The following AIMP2 variants were observed in gnomAD, a reference collection of about 807,000 sequenced individuals.
The protein encoded by AIMP2 is aminoacyl tRNA synthase complex-interacting multifunctional protein 2.
AIMP2 carries 20 observed loss-of-function variants against 23.4 expected under a neutral mutation model. That is an observed-to-expected ratio of 0.85 (90% confidence interval 0.60 to 1.24). The LOEUF is 1.24. AIMP2 is among the 50% of genes most tolerant of loss of function. The probability of loss-of-function intolerance (pLI) is 0.00; values close to 1 mark genes in which losing one functional copy is unlikely to be tolerated. For synonymous variants in AIMP2, 210 were observed against 170.4 expected, an observed-to-expected ratio of 1.23 and a Z score of -1.81; for missense variants, 515 against 414.5, an observed-to-expected ratio of 1.24 and a Z score of -2.10.
Position 6,009,974 on chromosome 7 carries a change from A to AAAAATATACATATATAT in AIMP2, c.135+477_135+478insAAATATACATATATATA. ...CAAAAAAAAAAAAAAAAAAAAAAAAAATATATATATATATATATGTATGTA... is the reference window on the plus strand; with the variant it reads ...CAAAAAAAAAAAAAAAAAAAAAAAAAAAAATATACATATATATATATATATATATATATATGTATGTA... On this transcript the variant is annotated intron_variant, in intron 1 of 3. Coordinates refer to ENST00000223029, the MANE Select transcript of AIMP2 (RefSeq NM_006303.4). Among the ~76,000 whole-genome samples, 2 of 26,662 alleles carry AAAAATATACATATATAT rather than the reference A, an allele frequency of 7.5e-5. 1 individual carries two copies. The highest frequency in any genetic ancestry group is 2.8e-4 in the African/African-American group (2 of 7,136). 17.5% of individuals were successfully genotyped at this position (26,662 alleles called of 152,430 possible). A position where few individuals can be genotyped will look rare whatever the true frequency, so the allele number is the denominator to read the frequency against.
intron 1 of AIMP2, among the ~76,000 whole-genome samples, chr7:6,011,476 A>G (rs1274562525): frequency 6.6e-6 from 1 of 152,090 alleles, no homozygotes; most frequent in Admixed American, 6.6e-5. Context: ...TCTCATTGCA[A>G]ACGTACATCC....
At chr7:6,013,355 G>A (rs186110794) in intron 1 of AIMP2, among the ~76,000 whole-genome samples, 23 of 147,436 alleles carry the variant, frequency 1.6e-4, no homozygotes, top group Non-Finnish European at 2.8e-4. Flanking sequence ...TCCGCCTCCC[G>A]GGTTCAAGCG....
At chr7:6,021,297 C>T (rs539144667) in intron 3 of AIMP2, among the ~76,000 whole-genome samples, 1 of 145,060 alleles carries the variant, frequency 6.9e-6, no homozygotes, top group South Asian at 2.2e-4. Flanking sequence ...TGAGATCGCG[C>T]CACTGCACTC....
rs778512251 is a variant in AIMP2, at chr7:6,017,817, T to C, written c.346T>C (p.Tyr116His). 3.7e-6 allele frequency: 6 copies of C among 1,613,188 alleles called. No individual in the cohort carries two copies. Among genetic ancestry groups the C allele is most frequent in the East Asian group, 4.5e-5 (2 of 44,846 alleles). Residue 116 changes from tyrosine (Y) to histidine (H), a missense_variant, in exon 3 of 4, where the codon TAC becomes CAC. Physicochemically the swap from Tyr to His is moderately conservative, Grantham distance 83. Coordinates refer to ENST00000223029, the MANE Select transcript of AIMP2 (RefSeq NM_006303.4). Reference protein sequence around the residue: ...LDLNSVLGKDYGALKDIVINA... With the variant: ...LDLNSVLGKDHGALKDIVINA... The stretch of plus-strand genomic sequence containing the variant: ...CATTGTCTTGGTCTTTCCCCAGGAT[T>C]ACGGGGCGCTGAAAGACATCGTGAT...
rs770539126 is a variant in AIMP2, at chr7:6,015,302, C to T, written c.292C>T (p.Pro98Ser). 2 of 1,614,176 alleles carry T rather than the reference C, an allele frequency of 1.2e-6. No individual in the cohort carries two copies. Among genetic ancestry groups the T allele is most frequent in the South Asian group, 2.2e-5 (2 of 91,086 alleles). ...DVTNIIQADE[P>S]TTLTTNALDL... ...AACCAACATAATCCAAGCGGATGAG[C>T]CCACGACTTTAACCACCAATGCGCT... Residue 98 changes from proline to serine, a missense_variant, in exon 2 of 4, where the codon CCC becomes TCC. Transcript: ENST00000223029.
rs1786968092 is a variant in AIMP2 at position 6,015,456 on chromosome 7, G to A, written c.342+104G>A. 5.7e-6 allele frequency: 7 copies of A among 1,236,612 alleles called. No homozygotes were observed. In the East Asian group the frequency reaches 1.5e-4, roughly 26 times the overall value. The allele number at this position is 1,236,612 out of a possible 1,614,324, so 76.6% of individuals were successfully genotyped here. A position where few individuals can be genotyped will look rare whatever the true frequency, so the allele number is the denominator to read the frequency against. ...CCTTAGCTTTCAGGCCGGGCGTGGTGGCTCACGCCTGTAATTCCAGCACTT... is the reference window on the plus strand; with the variant it reads ...CCTTAGCTTTCAGGCCGGGCGTGGTAGCTCACGCCTGTAATTCCAGCACTT... On this transcript the variant is annotated intron_variant, in intron 2 of 3. Transcript: ENST00000223029.
rs756474990 is a variant in AIMP2, at chr7:6,023,416, G to A, written c.688G>A (p.Ala230Thr). The A allele has an allele frequency of 1.4e-5, 22 of 1,614,094 alleles. No individual in the cohort carries two copies. The East Asian group carries it at 2.0e-4, about 15-fold the overall frequency. Reference protein sequence around the residue: ...LFGQKHNAVNATLIDSWVDIA... With the variant: ...LFGQKHNAVNTTLIDSWVDIA... ...TGGCCAGAAGCATAATGCTGTCAAC[G>A]CAACCCTTATAGATAGCTGGGTAGA... Residue 230 changes from alanine (A) to threonine (T), a missense_variant, in exon 4 of 4, where the codon GCA becomes ACA. By Grantham distance (58) the Ala-to-Thr change is moderately conservative. Coordinates refer to ENST00000223029, the MANE Select transcript of AIMP2 (RefSeq NM_006303.4).
intron 1 of AIMP2, 166 bp from the exon 2 acceptor site, chr7:6,014,980 G>A (rs1192601131): frequency 1.7e-5 from 24 of 1,434,682 alleles, no homozygotes; most frequent in Middle Eastern, 2.6e-4. Context: ...TGGACCTCCC[G>A]AAGTGCTGGG....
At chr7:6,013,859 G>T (rs985136060) in intron 1 of AIMP2, among the ~76,000 whole-genome samples, 11 of 152,058 alleles carry the variant, frequency 7.2e-5, no homozygotes, top group African/African-American at 2.2e-4. Flanking sequence ...ACTAAGGCAG[G>T]AGGATCACTT....
chr7:6,022,114 C>T (rs1787468589), intron 3 of AIMP2: 1 of 152,138 alleles, frequency 6.6e-6, no homozygotes, highest in South Asian at 2.1e-4. Flanking sequence ...CTTGCTTTGT[C>T]TCCCAGGCTG....
rs1786326601 is a variant in AIMP2, at chr7:6,009,284, G to C, written c.-80G>C. The C allele has an allele frequency of 6.2e-7, 1 of 1,606,500 alleles. No homozygotes were observed. ...CCGCAGCAGGGTCAGAAGGGAGGTG[G>C]CCGGTCTCCGTCGTGACCTCTGACG... On this transcript the variant is annotated 5_prime_UTR_variant, in exon 1 of 4. Coordinates refer to ENST00000223029, the MANE Select transcript of AIMP2 (RefSeq NM_006303.4).
intron 2 of AIMP2, among the ~76,000 whole-genome samples, chr7:6,015,622 G>A (rs1324058355): frequency 6.6e-6 from 1 of 152,222 alleles, no homozygotes; most frequent in Non-Finnish European, 1.5e-5. Context: ...TACTCGGGAG[G>A]CTGAGGCAGG....
rs377490622 is a variant in AIMP2 at position 6,009,316 on chromosome 7, G to C, written c.-48G>C. The C allele has an allele frequency of 6.2e-6, 10 of 1,611,354 alleles. No individual in the cohort carries two copies. The highest frequency in any genetic ancestry group is 8.5e-6 in the Non-Finnish European group (10 of 1,179,930). On this transcript the variant is annotated 5_prime_UTR_variant, in exon 1 of 4. Coordinates refer to ENST00000223029, the MANE Select transcript of AIMP2 (RefSeq NM_006303.4). ...TCCGTCGTGACCTCTGACGGTTTCT[G>C]AGCGTTGGCCTTTGGCACGCGCTAC...
chr7:6,014,929 AG>A (rs1786926251), intron 1 of AIMP2: 1 of 956,360 alleles, frequency 1.0e-6, no homozygotes, highest in Non-Finnish European at 1.4e-6. Flanking sequence ...CATGTTGGCC[AG>A]GCTGGTCTTG....
At chr7:6,018,305 C>A (rs571228796) in intron 3 of AIMP2, among the ~76,000 whole-genome samples, 1 of 151,286 alleles carries the variant, frequency 6.6e-6, no homozygotes, top group South Asian at 2.1e-4. Flanking sequence ...CACCACCAGG[C>A]CCAGCTAATT....
intron 3 of AIMP2, chr7:6,022,162 A>G (rs1787472801): frequency 6.6e-6 from 1 of 152,316 alleles, no homozygotes; most frequent in East Asian, 1.9e-4. Context: ...CACAGCCTCA[A>G]CCTTCTGGGC....
Position 6,009,297 on chromosome 7 carries a change from G to T in AIMP2, c.-67G>T. The T allele has an allele frequency of 6.2e-7, 1 of 1,610,062 alleles. No individual in the cohort carries two copies. Among genetic ancestry groups the T allele is most frequent in the Non-Finnish European group, 8.5e-7 (1 of 1,179,150 alleles). On this transcript the variant is annotated 5_prime_UTR_variant, in exon 1 of 4. Coordinates refer to ENST00000223029, the MANE Select transcript of AIMP2 (RefSeq NM_006303.4). ...AGAAGGGAGGTGGCCGGTCTCCGTC[G>T]TGACCTCTGACGGTTTCTGAGCGTT...
intron 1 of AIMP2, 97 bp from the exon 2 acceptor site, chr7:6,015,048 GT>G (rs1786934364): frequency 6.3e-7 from 1 of 1,585,562 alleles, no homozygotes; most frequent in African/African-American, 1.3e-5. Context: ...AGGGTGGGAG[GT>G]TTGGTGAGTG....
chr7:6,023,179 C>G, intron 3 of AIMP2, 124 bp from the exon 4 acceptor site: 1 of 1,178,896 alleles, frequency 8.5e-7, no homozygotes, highest in South Asian at 1.6e-5. Context: ...TGATGTTCTT[C>G]TTGAAAACAC....
Sources: allele counts gnomAD v4.1 joint callset (sites outside exome capture counted in the v4.1 genomes callset), GRCh38; gene constraint gnomAD v4.1.1; transcripts MANE v1.5; gene names NCBI Gene and HGNC (gene_info 2026-07-23, HGNC 2026-07-21).